PLXNA4: variants seen among roughly 807,000 people sequenced by gnomAD.
PLXNA4 encodes the protein plexin-A4.
PLXNA4 carries 44 observed loss-of-function variants against 191.8 expected under a neutral mutation model. The observed-to-expected ratio is 0.23, with a 90% CI of 0.18 to 0.29. PLXNA4 has a LOEUF of 0.29. Ranked by LOEUF, PLXNA4 falls within the 10% of genes least tolerant of loss-of-function variation. The probability of loss-of-function intolerance (pLI) is 1.00; values close to 1 mark genes in which losing one functional copy is unlikely to be tolerated. For synonymous variants in PLXNA4, 1,082 were observed against 1,009.5 expected (o/e 1.07, Z -1.36); for missense variants, 1,800 against 2,488.8 (o/e 0.72, Z 5.89).
intron 25 of PLXNA4, among the ~76,000 whole-genome samples, chr7:132,149,987 TGCCTCCAGTCCCTGG>T (rs1051812503): frequency 1.4e-4 from 22 of 152,216 alleles, no homozygotes; most frequent in African/African-American, 5.3e-4. Context: ...CTAAGCCCCT[TGCCTCCAGTCCCTGG>T]GGCTCCAGTC....
In PLXNA4 at chr7:132,298,241, G is replaced by T; in HGVS notation, c.1372-19C>A. 6.2e-7 allele frequency: 1 copy of T among 1,602,596 alleles called. No individual in the cohort carries two copies. The highest frequency in any genetic ancestry group is 8.5e-7 in the Non-Finnish European group (1 of 1,174,628). On this transcript the variant is annotated intron_variant, in intron 3 of 31. Coordinates refer to ENST00000321063, the MANE Select transcript of PLXNA4 (RefSeq NM_020911.2). ...CCCGGATCTGTGGAGAAGAAGAGGA[G>T]AGCCAAAGTGAGTTCAGATCCTGCA...
At chr7:132,477,187 A>C (rs888742491) in intron 3 of PLXNA4, among the ~76,000 whole-genome samples, 4 of 152,210 alleles carry the variant, frequency 2.6e-5, no homozygotes, top group African/African-American at 9.7e-5. Flanking sequence ...AAACCTTATG[A>C]TAAACTGTAT....
chr7:132,455,317 G>T (rs953887303), intron 3 of PLXNA4, among the ~76,000 whole-genome samples: 1 of 152,130 alleles, frequency 6.6e-6, no homozygotes, highest in East Asian at 1.9e-4. Context: ...GGTGGGGAGG[G>T]GCGCCTGGCT....
At chr7:132,251,051 CTTT>C (rs34455636) in intron 4 of PLXNA4, among the ~76,000 whole-genome samples, 29 of 130,004 alleles carry the variant, frequency 2.2e-4, no homozygotes, top group East Asian at 8.7e-4. Flanking sequence ...CTGTTCCAGC[CTTT>C]TTTTTTTTTT....
chr7:132,550,275 C>A (rs1800501925), intron 1 of PLXNA4, among the ~76,000 whole-genome samples: 1 of 152,176 alleles, frequency 6.6e-6, no homozygotes, highest in Non-Finnish European at 1.5e-5. Flanking sequence ...GGGCATGAGG[C>A]ACCCACAAGT....
intron 3 of PLXNA4, among the ~76,000 whole-genome samples, chr7:132,327,102 G>GAGGGAGAGAAGAGAGGAGGGAGGGTGGGA (rs1802400797): frequency 6.7e-6 from 1 of 148,680 alleles, no homozygotes. Flanking sequence ...AGAAAGGAGG[G>GAGGGAGAGAAGAGAGGAGGGAGGGTGGGA]AGAAAGAAAT....
intron 4 of PLXNA4, among the ~76,000 whole-genome samples, chr7:132,256,984 G>C (rs1358053169): frequency 1.3e-5 from 2 of 152,230 alleles, no homozygotes; most frequent in African/African-American, 4.8e-5. Flanking sequence ...CCACATTCTG[G>C]TGAGGTAGCC....
intron 3 of PLXNA4, among the ~76,000 whole-genome samples, chr7:132,318,936 C>T (rs1292310635): frequency 6.6e-6 from 1 of 152,128 alleles, no homozygotes; most frequent in Non-Finnish European, 1.5e-5. Flanking sequence ...GGTGGCAGTG[C>T]TGCGACAGTC....
chr7:132,140,957 G>A, intron 29 of PLXNA4, 146 bp from the exon 30 acceptor site: 1 of 1,401,706 alleles, frequency 7.1e-7, no homozygotes, highest in Non-Finnish European at 9.4e-7. Context: ...GGATGTGCCA[G>A]GGAAGGGAGG....
At chr7:132,484,625 C>T (rs1797471445) in intron 3 of PLXNA4, 1 of 980,078 alleles carries the variant, frequency 1.0e-6, no homozygotes, top group African/African-American at 1.6e-5. Flanking sequence ...ACATATAGCA[C>T]AACAGAACTA....
At chr7:132,183,553 T>C (rs961116090) in intron 16 of PLXNA4, among the ~76,000 whole-genome samples, 3 of 152,194 alleles carry the variant, frequency 2.0e-5, no homozygotes, top group Admixed American at 1.3e-4. Context: ...GGGTGACACC[T>C]CTATTTCTAT....
intron 3 of PLXNA4, among the ~76,000 whole-genome samples, chr7:132,321,153 T>C (rs1584988589): frequency 2.0e-5 from 3 of 152,068 alleles, no homozygotes; most frequent in South Asian, 4.2e-4. Flanking sequence ...CGCCACCCCC[T>C]CGCGCTTACT....
chr7:132,530,181 AG>A (rs1323534564), intron 1 of PLXNA4, among the ~76,000 whole-genome samples: 3 of 152,210 alleles, frequency 2.0e-5, no homozygotes, highest in Non-Finnish European at 4.4e-5. Context: ...GGAAACTTCT[AG>A]GGATGATGGA....
At chr7:132,448,512 C>T (rs1435240202) in intron 3 of PLXNA4, among the ~76,000 whole-genome samples, 2 of 152,244 alleles carry the variant, frequency 1.3e-5, no homozygotes, top group South Asian at 2.1e-4. Flanking sequence ...GAGGGAGAGG[C>T]ATAGAAAGGG....
At chr7:132,452,244 T>C (rs1203483232) in intron 3 of PLXNA4, among the ~76,000 whole-genome samples, 2 of 152,162 alleles carry the variant, frequency 1.3e-5, no homozygotes, top group Non-Finnish European at 2.9e-5. Flanking sequence ...GCACCATGCA[T>C]TTAATAGAAA....
intron 1 of PLXNA4, among the ~76,000 whole-genome samples, chr7:132,529,437 A>C (rs1183436846): frequency 6.6e-6 from 1 of 152,110 alleles, no homozygotes; most frequent in African/African-American, 2.4e-5. Flanking sequence ...GAAATCATGG[A>C]ATTTGGGACA....
At chr7:132,473,533 C>T (rs1797007312) in intron 3 of PLXNA4, among the ~76,000 whole-genome samples, 1 of 152,188 alleles carries the variant, frequency 6.6e-6, no homozygotes, top group African/African-American at 2.4e-5. Context: ...TGACACCTCT[C>T]ACAAAGAAAT....
intron 3 of PLXNA4, among the ~76,000 whole-genome samples, chr7:132,326,917 A>AGAGG (rs912999194): frequency 2.8e-5 from 4 of 140,804 alleles, no homozygotes; most frequent in African/African-American, 5.1e-5. Context: ...GGGGAAAGGA[A>AGAGG]GAGGGAGGGA....
chr7:132,625,368 C>A (rs1425365121), intron 2 of PLXNA4, among the ~76,000 whole-genome samples: 1 of 152,198 alleles, frequency 6.6e-6, no homozygotes, highest in Non-Finnish European at 1.5e-5. Flanking sequence ...GCAACAACTA[C>A]CTCCCTACCC....
Sources: gnomAD v4.1 joint callset for allele counts (sites outside exome capture counted in the v4.1 genomes callset) on GRCh38, gnomAD v4.1.1 for gene constraint, MANE v1.5 for transcripts, NCBI Gene and HGNC (gene_info 2026-07-23, HGNC 2026-07-21) for gene names.